Variants in SLX4 observed in about 807,000 individuals in gnomAD.
SLX4 encodes the protein SLX4 structure-specific endonuclease subunit.
A neutral mutation model predicts 146.2 loss-of-function variants in SLX4; 112 were observed. The ratio of observed to expected loss-of-function variants is 0.77; its 90% confidence interval spans 0.66 to 0.90. The LOEUF (loss-of-function observed/expected upper bound fraction) is 0.90. Ranked by LOEUF, SLX4 falls within the 40% of genes least tolerant of loss-of-function variation. The probability of loss-of-function intolerance (pLI) is 0.00; values close to 1 mark genes in which losing one functional copy is unlikely to be tolerated. For missense variants in SLX4, 2,563 were observed against 2,392.7 expected (o/e 1.07, Z -1.49); for synonymous variants, 1,061 against 997.7 (o/e 1.06, Z -1.20).
Position 3,582,202 on chromosome 16 carries a change from A to C in SLX4, c.*140T>G. 1.4e-6 allele frequency: 1 copy of C among 693,008 alleles called. No individual in the cohort carries two copies. The highest frequency in any genetic ancestry group is 2.5e-6 in the Non-Finnish European group (1 of 405,322). 42.9% of individuals were successfully genotyped at this position (693,008 alleles called of 1,614,324 possible). A position where few individuals can be genotyped will look rare whatever the true frequency, so the allele number is the denominator to read the frequency against. ...CCTGGATTGGGCTGTGGTCATCATCACAGCGCAGAGCTGATGTGGTCCCCA... is the reference window on the plus strand; with the variant it reads ...CCTGGATTGGGCTGTGGTCATCATCCCAGCGCAGAGCTGATGTGGTCCCCA... On this transcript the variant is annotated 3_prime_UTR_variant, in exon 15 of 15. Coordinates refer to ENST00000294008, the MANE Select transcript of SLX4 (RefSeq NM_032444.4).
Position 3,589,742 on chromosome 16 carries a change from C to T in SLX4, c.3896G>A (p.Arg1299Lys), listed in dbSNP as rs2040557510. ...CTTCTGTGCGACTTCGTTCCCTTCC[C>T]TGTTTCCTACTGAGGCCCTGGGCGT... ...QHTPRASVGN[R>K]EGNEVAQKFS... Residue 1299 changes from arginine (R) to lysine (K), a missense_variant, in exon 12 of 15, where the codon AGG becomes AAG. Arg to Lys is a conservative substitution (Grantham distance 26, BLOSUM62 2). Coordinates refer to ENST00000294008, the MANE Select transcript of SLX4 (RefSeq NM_032444.4). This position sits in a 1 kb window ranked among gnomAD's most constrained non-coding sequence, Gnocchi z 6.2. The T allele has an allele frequency of 2.5e-6, 4 of 1,613,834 alleles. No homozygotes were observed. Among genetic ancestry groups the T allele is most frequent in the East Asian group, 4.5e-5 (2 of 44,870 alleles).
rs1355291111 is a variant in SLX4, at chr16:3,594,595, G to A, written c.2018C>T (p.Ser673Phe). The change falls in exon 10 of 15, where the codon TCC (serine) becomes TTC (phenylalanine). Residue 673 changes from serine to phenylalanine, a missense_variant. Transcript: ENST00000294008. The stretch of plus-strand genomic sequence containing the variant: ...AAAGTCAGCAACCAGCAGCCCGAGG[G>A]AGAGCTGAAGCAGGAGGAGAGGAAG... ...HPDRGGRTLL[S>F]LGLLVADFGA... 3 of 1,614,092 alleles carry A rather than the reference G, an allele frequency of 1.9e-6. No individual in the cohort carries two copies. Among genetic ancestry groups the A allele is most frequent in the Non-Finnish European group, 8.5e-7 (1 of 1,179,996 alleles).
chr16:3,594,590 C>T lies in SLX4; in HGVS notation c.2023G>A (p.Gly675Arg), dbSNP rs767473953. 36 of 1,613,932 alleles carry T rather than the reference C, an allele frequency of 2.2e-5. No individual in the cohort carries two copies. The highest frequency in any genetic ancestry group is 1.6e-4 in the Middle Eastern group (1 of 6,082). ...DRGGRTLLSL[G>R]LLVADFGAMV... ...GCGCCAAAGTCAGCAACCAGCAGCC[C>T]GAGGGAGAGCTGAAGCAGGAGGAGA... Residue 675 changes from glycine to arginine, a missense_variant, in exon 10 of 15, where the codon GGG becomes AGG. By Grantham distance (125) the Gly-to-Arg change is moderately radical. Transcript: ENST00000294008.
chr16:3,601,646 A>ATT, intron 4 of SLX4: 1 of 308,230 alleles, frequency 3.2e-6, no homozygotes, highest in South Asian at 3.0e-5. Context: ...CTGCTCAGCC[A>ATT]TAAAAAGGAA....
rs2040465221 is a variant in SLX4, at chr16:3,583,351, G to A, written c.4899C>T (p.Thr1633=). The change falls in exon 14 of 15, where the codon ACC becomes ACT. Residue 1633 remains threonine, a synonymous_variant. Transcript: ENST00000294008. ...APHCQTLASQ[T]YKPSRAGVHA... ...GGACCCCTGCCCTTGAAGGCTTGTAGGTCTGGGAGGCGAGGGTCTGGCAGT... is the reference window on the plus strand; with the variant it reads ...GGACCCCTGCCCTTGAAGGCTTGTAAGTCTGGGAGGCGAGGGTCTGGCAGT... The A allele has an allele frequency of 6.2e-7, 1 of 1,613,356 alleles. No individual in the cohort carries two copies. Among genetic ancestry groups the A allele is most frequent in the Non-Finnish European group, 8.5e-7 (1 of 1,179,540 alleles).
chr16:3,593,537 C>T lies in SLX4; in HGVS notation c.2161-672G>A, dbSNP rs756845810. 1.4e-4 allele frequency among the ~76,000 whole-genome samples: 22 copies of T among 152,192 alleles called. 1 individual carries two copies. Among genetic ancestry groups the T allele is most frequent in the Non-Finnish European group, 2.6e-4 (18 of 68,044 alleles). On this transcript the variant is annotated intron_variant, in intron 10 of 14. Coordinates refer to ENST00000294008, the MANE Select transcript of SLX4 (RefSeq NM_032444.4). Reference sequence around the variant, plus strand: ...CTGGTCCCTAGTCTTAAAAGCAGCTCCATGCCCCAGGAAAAGCATTAGCCA... The same window carrying T: ...CTGGTCCCTAGTCTTAAAAGCAGCTTCATGCCCCAGGAAAAGCATTAGCCA...
At chr16:3,593,754 T>C (rs891307100) in intron 10 of SLX4, among the ~76,000 whole-genome samples, 1 of 152,222 alleles carries the variant, frequency 6.6e-6, no homozygotes, top group Non-Finnish European at 1.5e-5. Context: ...GTCAAATGCT[T>C]TCAAGTCAGA....
rs773444313 is a variant in SLX4 at position 3,590,895 on chromosome 16, C to T, written c.2743G>A (p.Glu915Lys). ...ATCTTCTCCCAGGTGGTGGCGGCCT[C>T]ATCTCTTCCTGGCTCCAACGGCTCC... ...EMEPLEPGRDEAATTWEKMGQ... is the reference protein window; with the variant it reads ...EMEPLEPGRDKAATTWEKMGQ... Residue 915 changes from glutamate to lysine, a missense_variant, in exon 12 of 15, where the codon GAG becomes AAG. Transcript: ENST00000294008. The surrounding 1 kb of genome is among the most constrained non-coding windows in gnomAD (Gnocchi z 4.8). 1.2e-6 allele frequency: 2 copies of T among 1,614,086 alleles called. No individual in the cohort carries two copies. Among genetic ancestry groups the T allele is most frequent in the South Asian group, 1.1e-5 (1 of 91,088 alleles).
chr16:3,600,970 T>C lies in SLX4; in HGVS notation c.1163+9A>G. ...TTTGGCTTGGTTTTCTTCCTTTTCG[T>C]CGACTTACCTGAACATGGGTGGGCT... On this transcript the variant is annotated intron_variant, in intron 5 of 14. Transcript: ENST00000294008. 3 of 1,613,060 alleles carry C rather than the reference T, an allele frequency of 1.9e-6. No homozygotes were observed. Among genetic ancestry groups the C allele is most frequent in the Non-Finnish European group, 2.5e-6 (3 of 1,179,976 alleles).
chr16:3,586,190 C>T (rs1464087214), intron 12 of SLX4, among the ~76,000 whole-genome samples: 1 of 152,144 alleles, frequency 6.6e-6, no homozygotes, highest in Non-Finnish European at 1.5e-5. Flanking sequence ...AAAACTTGCA[C>T]ATCAATATTC....
intron 3 of SLX4, 32 bp downstream of exon 3, chr16:3,606,442 C>G: frequency 6.2e-7 from 1 of 1,609,772 alleles, no homozygotes; most frequent in South Asian, 1.1e-5. Context: ...TAACTTATCT[C>G]TGTGTGGAAG....
intron 5 of SLX4, among the ~76,000 whole-genome samples, chr16:3,598,982 G>A (rs557266090): frequency 1.3e-5 from 2 of 152,212 alleles, no homozygotes; most frequent in African/African-American, 4.8e-5. Context: ...AAGACCCCAT[G>A]AGGGCATCCA....
At position 3,589,581 on chromosome 16, in the gene SLX4, G is replaced by A. The variant is rs142205392; in HGVS notation, c.4057C>T (p.His1353Tyr). ...GGATGTGGAGCCAGCGGAGAGGAGT[G>A]CGGGTGGCCCCCGGGGTGGGGACGG... ...PSRPHPGGHP[H>Y]SSPLAPHPIS... The change falls in exon 12 of 15, where the codon CAC (histidine) becomes TAC (tyrosine). Residue 1353 changes from histidine to tyrosine, a missense_variant. His to Tyr is a moderately conservative substitution (Grantham distance 83). Transcript: ENST00000294008. This position sits in a 1 kb window ranked among gnomAD's most constrained non-coding sequence, Gnocchi z 6.2. The A allele has an allele frequency of 1.2e-6, 2 of 1,613,236 alleles. No homozygotes were observed. Among genetic ancestry groups the A allele is most frequent in the East Asian group, 4.5e-5 (2 of 44,896 alleles).
rs2040625957 is a variant in SLX4, at chr16:3,594,340, G to A, written c.2160+113C>T. 2.1e-6 allele frequency: 3 copies of A among 1,412,822 alleles called. No homozygotes were observed. The African/African-American group carries it at 4.3e-5, about 20-fold the overall frequency. 87.5% of individuals were successfully genotyped at this position (1,412,822 alleles called of 1,614,324 possible). A position where few individuals can be genotyped will look rare whatever the true frequency, so the allele number is the denominator to read the frequency against. On this transcript the variant is annotated intron_variant, in intron 10 of 14. Transcript: ENST00000294008. ...GAACATGGTGGGGCAGGAAGTGAGGGAGAGTGGGGGGGTGGAAAGGGCACC... is the reference window on the plus strand; with the variant it reads ...GAACATGGTGGGGCAGGAAGTGAGGAAGAGTGGGGGGGTGGAAAGGGCACC...
chr16:3,600,590 G>GGT (rs1567175331), intron 5 of SLX4: 1 of 155,794 alleles, frequency 6.4e-6, no homozygotes, highest in Admixed American at 8.8e-5. Context: ...ACTATAAAAA[G>GGT]CTTTTTTTTT....
Position 3,611,541 on chromosome 16 carries a change from A to T in SLX4, c.-603+19T>A, listed in dbSNP as rs1232474881. On this transcript the variant is annotated intron_variant, in intron 1 of 14. Coordinates refer to ENST00000294008, the MANE Select transcript of SLX4 (RefSeq NM_032444.4). Reference sequence around the variant, plus strand: ...CTCCCGGGTGCCGACTCCCAGCCCCACAGCCCGGCTCCTCCTACCTCCGGC... The same window carrying T: ...CTCCCGGGTGCCGACTCCCAGCCCCTCAGCCCGGCTCCTCCTACCTCCGGC... The T allele has an allele frequency of 6.6e-6, 1 of 152,594 alleles. No homozygotes were observed. The highest frequency in any genetic ancestry group is 1.5e-5 in the Non-Finnish European group (1 of 68,398). 9.5% of individuals were successfully genotyped at this position (152,594 alleles called of 1,614,324 possible). A position where few individuals can be genotyped will look rare whatever the true frequency, so the allele number is the denominator to read the frequency against.
At chr16:3,591,385 A>T in intron 11 of SLX4, 75 bp from the exon 12 acceptor site, 1 of 1,585,612 alleles carries the variant, frequency 6.3e-7, no homozygotes, top group Non-Finnish European at 8.5e-7. Context: ...GGGGTGGCGG[A>T]CCAGAGCAGA....
Position 3,582,282 on chromosome 16 carries a change from T to C in SLX4, c.*60A>G. ...CACGCTGGGTGTCCCAGGTCCTCCC[T>C]GCAAATGGCGGGGGTGGGGGCTGCT... is the stretch of plus-strand genomic sequence containing the variant. On this transcript the variant is annotated 3_prime_UTR_variant, in exon 15 of 15. Coordinates refer to ENST00000294008, the MANE Select transcript of SLX4 (RefSeq NM_032444.4). 6.8e-7 allele frequency: 1 copy of C among 1,477,416 alleles called. No homozygotes were observed. The allele number at this position is 1,477,416 out of a possible 1,614,324, so 91.5% of individuals were successfully genotyped here.
At position 3,607,091 on chromosome 16, in the gene SLX4, A is replaced by T. The variant is rs143442503; in HGVS notation, c.536-393T>A. ...ATAAAGCTATTATTAAAGAAATATT[A>T]ATGACAAAGGTTTATGTCCTAGATC... On this transcript the variant is annotated intron_variant, in intron 2 of 14. Transcript: ENST00000294008. 4.2e-3 allele frequency among the ~76,000 whole-genome samples: 646 copies of T among 152,312 alleles called. 3 individuals are homozygous for T. Among genetic ancestry groups the T allele is most frequent in the African/African-American group, 0.014 (599 of 41,554 alleles).
Sources: allele counts gnomAD v4.1 joint callset (sites outside exome capture counted in the v4.1 genomes callset), GRCh38; gene constraint gnomAD v4.1.1; non-coding constraint Gnocchi (gnomAD v3.1); transcripts MANE v1.5; gene names NCBI Gene and HGNC (gene_info 2026-07-23, HGNC 2026-07-21).